The following ZNF676 variants were observed in gnomAD, a reference collection of about 807,000 sequenced individuals.
ZNF676 encodes zinc finger protein 676.
Under a neutral mutation model 6.0 loss-of-function variants are expected in ZNF676, and 4 were observed. The observed-to-expected ratio is 0.67, with a 90% CI of 0.33 to 1.53. The LOEUF (loss-of-function observed/expected upper bound fraction) is 1.53, where lower values mean the gene tolerates loss of function less well. Among genes scored for constraint, ZNF676 ranks in the 40% most tolerant of loss-of-function variants. The probability of loss-of-function intolerance (pLI) is 0.06; values close to 1 mark genes in which losing one functional copy is unlikely to be tolerated. For missense variants in ZNF676, 644 were observed against 679.7 expected (o/e 0.95, Z 0.58); for synonymous variants, 198 against 223.1 (o/e 0.89, Z 1.00).
intron 1 of ZNF676, among the ~76,000 whole-genome samples, chr19:22,193,900 T>A (rs1298833452): frequency 6.6e-6 from 1 of 152,178 alleles, no homozygotes; most frequent in African/African-American, 2.4e-5. Flanking sequence ...CTGTTAGAAT[T>A]GGTGTTCAGA....
intron 2 of ZNF676, among the ~76,000 whole-genome samples, chr19:22,190,428 T>C (rs941078999): frequency 6.6e-6 from 1 of 151,784 alleles, no homozygotes; most frequent in Non-Finnish European, 1.5e-5. Flanking sequence ...TCTCACTGCA[T>C]TTTTGAAAAA....
chr19:22,195,466 CATG>C (rs1283408627), intron 1 of ZNF676, among the ~76,000 whole-genome samples: 1 of 152,190 alleles, frequency 6.6e-6, no homozygotes, highest in Non-Finnish European at 1.5e-5. Flanking sequence ...GACCCTTAGG[CATG>C]ATAATTTTTG....
intron 1 of ZNF676, among the ~76,000 whole-genome samples, chr19:22,206,826 A>T (rs571471771): frequency 6.6e-6 from 1 of 152,354 alleles, no homozygotes; most frequent in South Asian, 2.1e-4. Context: ...CATCACATAA[A>T]CAGAATTAAA....
intron 2 of ZNF676, among the ~76,000 whole-genome samples, chr19:22,187,875 T>C (rs2023859064): frequency 6.6e-6 from 1 of 152,070 alleles, no homozygotes; most frequent in African/African-American, 2.4e-5. Flanking sequence ...GAGGCGGTAC[T>C]TATGGGCCTA....
chr19:22,194,100 C>T (rs1450898066), intron 1 of ZNF676, among the ~76,000 whole-genome samples: 1 of 152,124 alleles, frequency 6.6e-6, no homozygotes, highest in East Asian at 1.9e-4. Context: ...AGATCTGGTA[C>T]AATAATTAAC....
At chr19:22,256,889 G>A in the ZNF676 span, among the ~76,000 whole-genome samples, 1 of 152,220 alleles carries the variant, frequency 6.6e-6, no homozygotes, top group East Asian at 1.9e-4. Context: ...CCAGCCATAT[G>A]TCACAATACA....
chr19:22,221,479 T>C, the ZNF676 span, among the ~76,000 whole-genome samples: 20 of 152,160 alleles, frequency 1.3e-4, no homozygotes, highest in Admixed American at 6.6e-4. Flanking sequence ...GGGCTGGGCA[T>C]GGTGGCTCAT....
the ZNF676 span, among the ~76,000 whole-genome samples, chr19:22,233,216 T>C: frequency 1.3e-5 from 2 of 152,326 alleles, no homozygotes; most frequent in South Asian, 2.1e-4. Flanking sequence ...GGTTTCGCCA[T>C]GTTGCCCACG....
In ZNF676 at chr19:22,190,500, AT is replaced by A. The variant is rs1053074735; in HGVS notation, c.130+2515del. 1.8e-3 allele frequency among the ~76,000 whole-genome samples: 267 copies of A among 151,516 alleles called. 1 individual carries two copies. Among genetic ancestry groups the A allele is most frequent in the African/African-American group, 6.0e-3 (250 of 41,420 alleles). ...AAAGACAATACCCAACAATCTTAAAATAATAATAATAATAAAGCAATGTTGC... is the reference window on the plus strand; with the variant it reads ...AAAGACAATACCCAACAATCTTAAAAAATAATAATAATAAAGCAATGTTGC... On this transcript the variant is annotated intron_variant, in intron 2 of 2. Transcript: ENST00000397121.
At chr19:22,234,410 G>T in the ZNF676 span, among the ~76,000 whole-genome samples, 1 of 152,140 alleles carries the variant, frequency 6.6e-6, no homozygotes, top group Admixed American at 6.5e-5. Flanking sequence ...GCTCAAGCCC[G>T]ATCACATATA....
intron 2 of ZNF676, among the ~76,000 whole-genome samples, chr19:22,190,665 A>ATATGTTG (rs71180521): frequency 2.6e-5 from 2 of 77,736 alleles, no homozygotes; most frequent in Non-Finnish European, 4.9e-5. Context: ...ATATATATAT[A>ATATGTTG]CATACACACT....
chr19:22,253,054 T>C, the ZNF676 span, among the ~76,000 whole-genome samples: 1 of 152,174 alleles, frequency 6.6e-6, no homozygotes, highest in Admixed American at 6.5e-5. Flanking sequence ...CATAAGAGCC[T>C]CAATCCCTCC....
chr19:22,181,633 A>G lies in ZNF676; in HGVS notation c.131-47T>C, dbSNP rs373049247. ...AAATTAATCTACATATTAGACTCAG[A>G]TAAGTACAGTTTCCAAATCTAACCT... On this transcript the variant is annotated intron_variant, in intron 2 of 2. Coordinates refer to ENST00000397121, the MANE Select transcript of ZNF676 (RefSeq NM_001001411.3). 153 of 1,393,186 alleles carry G rather than the reference A, an allele frequency of 1.1e-4. No individual in the cohort carries two copies. In the African/African-American group the frequency reaches 1.9e-3, roughly 17 times the overall value. The allele number at this position is 1,393,186 out of a possible 1,614,324, so 86.3% of individuals were successfully genotyped here.
the ZNF676 span, chr19:22,243,633 A>T: frequency 6.7e-6 from 1 of 150,264 alleles, no homozygotes; most frequent in African/African-American, 2.5e-5. Context: ...GCACCGCCTG[A>T]GGGCTTTGTA....
chr19:22,189,267 A>G (rs964012917), intron 2 of ZNF676, among the ~76,000 whole-genome samples: 1 of 152,162 alleles, frequency 6.6e-6, no homozygotes, highest in Non-Finnish European at 1.5e-5. Flanking sequence ...AGGATTCCCT[A>G]TTTAATAAAT....
At position 22,215,351 on chromosome 19, in the gene ZNF676, T is replaced by A. The variant is rs905651233; in HGVS notation, c.3+281A>T. Among the ~76,000 whole-genome samples the A allele has an allele frequency of 1.6e-4, 25 of 152,188 alleles. 1 individual carries two copies. The highest frequency in any genetic ancestry group is 5.5e-4 in the African/African-American group (23 of 41,538). ...AGTCAGGATTCTCCTCTGACTACCC[T>A]CCCACAGTCCGTGCACAATCTGGGA... On this transcript the variant is annotated intron_variant, in intron 1 of 3. Coordinates refer to the ZNF676 transcript ENST00000650058.
the ZNF676 span, among the ~76,000 whole-genome samples, chr19:22,246,129 G>T: frequency 6.6e-6 from 1 of 151,940 alleles, no homozygotes; most frequent in Non-Finnish European, 1.5e-5. Flanking sequence ...GCAGGGCCAG[G>T]ATGCACACAC....
the ZNF676 span, among the ~76,000 whole-genome samples, chr19:22,253,353 GGTGTGTGTGT>G: frequency 9.4e-6 from 1 of 105,832 alleles, no homozygotes; most frequent in African/African-American, 4.0e-5. Flanking sequence ...TATGATAATG[GGTGTGTGTGT>G]GTGTGTGTGT....
At chr19:22,255,699 G>T in the ZNF676 span, among the ~76,000 whole-genome samples, 1 of 151,916 alleles carries the variant, frequency 6.6e-6, no homozygotes, top group Non-Finnish European at 1.5e-5. Flanking sequence ...CAAAAAATTA[G>T]CCAGGCGTGG....
Sources: allele counts gnomAD v4.1 joint callset (sites outside exome capture counted in the v4.1 genomes callset), GRCh38; gene constraint gnomAD v4.1.1; transcripts MANE v1.5; gene names NCBI Gene and HGNC (gene_info 2026-07-23, HGNC 2026-07-21).